The following CSMD1 variants were observed in gnomAD, a reference collection of about 807,000 sequenced individuals.
CSMD1 encodes the protein CUB and sushi domain-containing protein 1.
A neutral mutation model predicts 417.5 loss-of-function variants in CSMD1; 213 were observed. The ratio of observed to expected loss-of-function variants is 0.51; its 90% CI spans 0.46 to 0.57. The LOEUF is 0.57. Ranked by LOEUF, CSMD1 falls within the 20% of genes least tolerant of loss-of-function variation. The probability of loss-of-function intolerance (pLI) is 0.00; values close to 1 mark genes in which losing one functional copy is unlikely to be tolerated. For synonymous variants in CSMD1, 2,862 were observed against 1,736.8 expected, an observed-to-expected ratio of 1.65 and a Z score of -16.11; for missense variants, 6,923 against 4,529.7, an observed-to-expected ratio of 1.53 and a Z score of -15.17.
chr8:4,446,513 C>G (rs921326726), intron 2 of CSMD1, among the ~76,000 whole-genome samples: 2 of 152,176 alleles, frequency 1.3e-5, no homozygotes, highest in African/African-American at 2.4e-5. Context: ...GGCCACTGCA[C>G]TCCAGCCTGG....
intron 18 of CSMD1, among the ~76,000 whole-genome samples, chr8:3,381,904 T>C (rs1810653259): frequency 2.0e-5 from 3 of 152,174 alleles, no homozygotes; most frequent in Admixed American, 2.0e-4. Flanking sequence ...CATATATCTA[T>C]ACAGTATATG....
At chr8:4,340,357 C>T (rs1034276134) in intron 3 of CSMD1, among the ~76,000 whole-genome samples, 29 of 152,004 alleles carry the variant, frequency 1.9e-4, no homozygotes, top group Non-Finnish European at 3.8e-4. Context: ...GGCTGCTACA[C>T]CCTAGTTAAA....
At chr8:4,585,274 G>C (rs1799641126) in intron 2 of CSMD1, among the ~76,000 whole-genome samples, 1 of 152,146 alleles carries the variant, frequency 6.6e-6, no homozygotes. Flanking sequence ...AAATTCTGCA[G>C]TTGAAATAGG....
At chr8:3,867,833 C>G (rs2129109943) in intron 5 of CSMD1, among the ~76,000 whole-genome samples, 1 of 152,182 alleles carries the variant, frequency 6.6e-6, no homozygotes, top group African/African-American at 2.4e-5. Flanking sequence ...AATTCTAGGC[C>G]TCCATTTCCA....
At chr8:4,686,659 G>C (rs938218414) in intron 1 of CSMD1, among the ~76,000 whole-genome samples, 3 of 152,300 alleles carry the variant, frequency 2.0e-5, no homozygotes, top group Middle Eastern at 3.4e-3. Flanking sequence ...AAGTTGACCT[G>C]TTGCTCTGGG....
At chr8:3,643,952 G>A (rs1173572076) in intron 7 of CSMD1, among the ~76,000 whole-genome samples, 1 of 152,138 alleles carries the variant, frequency 6.6e-6, no homozygotes, top group Non-Finnish European at 1.5e-5. Flanking sequence ...GATGAAATGT[G>A]GTAGATAGGA....
At chr8:3,554,638 C>T (rs1799063129) in intron 10 of CSMD1, among the ~76,000 whole-genome samples, 1 of 152,204 alleles carries the variant, frequency 6.6e-6, no homozygotes, top group African/African-American at 2.4e-5. Context: ...GGAGAAATAG[C>T]CCATGAATGG....
chr8:3,556,414 T>TATATATATTTATA (rs1349911850), intron 10 of CSMD1, among the ~76,000 whole-genome samples: 1 of 142,044 alleles, frequency 7.0e-6, no homozygotes, highest in East Asian at 2.0e-4. Context: ...TATATATATA[T>TATATATATTTATA]TCACACACAC....
chr8:4,544,349 G>C (rs967601421), intron 2 of CSMD1, among the ~76,000 whole-genome samples: 2 of 151,966 alleles, frequency 1.3e-5, no homozygotes, highest in African/African-American at 4.8e-5. Context: ...TAGATGTCCA[G>C]TTGTTATTGA....
At chr8:4,574,874 A>C (rs1204657684) in intron 2 of CSMD1, among the ~76,000 whole-genome samples, 1 of 152,244 alleles carries the variant, frequency 6.6e-6, no homozygotes, top group Non-Finnish European at 1.5e-5. Flanking sequence ...AATTTAATTT[A>C]AATAGACTTT....
chr8:3,349,998 TTATAATA>T, intron 21 of CSMD1, among the ~76,000 whole-genome samples: 7 of 146,764 alleles, frequency 4.8e-5, no homozygotes, highest in Non-Finnish European at 3.0e-5. Context: ...TGTGTATGTG[TTATAATA>T]CCTATAATAA....
At chr8:3,257,666 G>T (rs905128573) in intron 26 of CSMD1, among the ~76,000 whole-genome samples, 1 of 152,150 alleles carries the variant, frequency 6.6e-6, no homozygotes, top group Non-Finnish European at 1.5e-5. Flanking sequence ...CAAGGCTACT[G>T]AGAAGGAGAA....
At chr8:4,622,166 G>A (rs1469848536) in intron 2 of CSMD1, among the ~76,000 whole-genome samples, 15 of 139,572 alleles carry the variant, frequency 1.1e-4, no homozygotes, top group African/African-American at 4.2e-4. Flanking sequence ...GAGGGGTAAA[G>A]AGAATTAAAA....
intron 10 of CSMD1, among the ~76,000 whole-genome samples, chr8:3,499,082 T>G (rs1269668747): frequency 6.6e-6 from 1 of 152,224 alleles, no homozygotes; most frequent in East Asian, 1.9e-4. Flanking sequence ...CTTGTGTTCC[T>G]ACATTAGTAT....
At chr8:4,511,943 G>C (rs1020410587) in intron 2 of CSMD1, among the ~76,000 whole-genome samples, 1 of 152,014 alleles carries the variant, frequency 6.6e-6, no homozygotes, top group African/African-American at 2.4e-5. Flanking sequence ...TAACAAGATA[G>C]GCCCACATTA....
At chr8:4,165,682 C>G (rs868322993) in intron 3 of CSMD1, among the ~76,000 whole-genome samples, 1 of 152,174 alleles carries the variant, frequency 6.6e-6, no homozygotes, top group Admixed American at 6.5e-5. Flanking sequence ...GAATTACAGG[C>G]GTGACCCATC....
chr8:4,993,631 G>A (rs1443246490), intron 1 of CSMD1, among the ~76,000 whole-genome samples: 2 of 152,142 alleles, frequency 1.3e-5, no homozygotes, highest in African/African-American at 4.8e-5. Context: ...CGCCCACAGT[G>A]AATGTATCTG....
At chr8:4,423,874 C>G (rs1400335058) in intron 2 of CSMD1, among the ~76,000 whole-genome samples, 1 of 151,896 alleles carries the variant, frequency 6.6e-6, no homozygotes, top group Non-Finnish European at 1.5e-5. Context: ...GACATAAACC[C>G]GTATGTCAAT....
At chr8:4,803,833 A>G (rs1157718053) in intron 1 of CSMD1, among the ~76,000 whole-genome samples, 1 of 152,180 alleles carries the variant, frequency 6.6e-6, no homozygotes, top group Non-Finnish European at 1.5e-5. Context: ...TCCTTGACAC[A>G]GTAATTATGT....
Sources: gnomAD v4.1 joint callset for allele counts (sites outside exome capture counted in the v4.1 genomes callset) on GRCh38, gnomAD v4.1.1 for gene constraint, MANE v1.5 for transcripts, NCBI Gene and HGNC (gene_info 2026-07-23, HGNC 2026-07-21) for gene names.